The following RUFY2 variants were observed in gnomAD, a reference collection of about 807,000 sequenced individuals.
RUFY2 encodes the protein RUN and FYVE domain-containing protein 2.
A neutral mutation model predicts 94.4 loss-of-function variants in RUFY2; 49 were observed. The observed-to-expected ratio is 0.52, with a 90% CI of 0.41 to 0.66. The LOEUF (loss-of-function observed/expected upper bound fraction) is 0.66. Ranked by LOEUF, RUFY2 falls within the 30% of genes least tolerant of loss-of-function variation. RUFY2 has a pLI of 0.00. For synonymous variants in RUFY2, 255 were observed against 235.7 expected (o/e 1.08, Z -0.75); for missense variants, 541 against 692.8 (o/e 0.78, Z 2.46).
At chr10:68,350,980 G>A (rs1384863813) in intron 16 of RUFY2, among the ~76,000 whole-genome samples, 1 of 151,916 alleles carries the variant, frequency 6.6e-6, no homozygotes, top group African/African-American at 2.4e-5. Flanking sequence ...TAAAGTGCTG[G>A]GACTGCAGGC....
At chr10:68,364,238 T>C in intron 13 of RUFY2, 125 bp from the exon 14 acceptor site, 3 of 875,790 alleles carry the variant, frequency 3.4e-6, no homozygotes, top group Non-Finnish European at 4.9e-6. Context: ...TTTCAGACAT[T>C]TTCTTTCACA....
chr10:68,384,266 G>C, intron 8 of RUFY2, 114 bp from the exon 9 acceptor site: 2 of 1,326,998 alleles, frequency 1.5e-6, no homozygotes, highest in Non-Finnish European at 2.0e-6. Context: ...CTAGCAAAAG[G>C]TCTGTCACAT....
chr10:68,387,422 T>G (rs563472477), intron 7 of RUFY2, among the ~76,000 whole-genome samples: 1 of 152,238 alleles, frequency 6.6e-6, no homozygotes, highest in East Asian at 1.9e-4. Flanking sequence ...TCTAATAAAA[T>G]GTAATATTCT....
intron 1 of RUFY2, chr10:68,405,819 AC>A: frequency 2.0e-6 from 1 of 500,208 alleles, no homozygotes; most frequent in Non-Finnish European, 2.6e-6. Flanking sequence ...AATGTTCCTC[AC>A]CCATCCACAC....
intron 11 of RUFY2, among the ~76,000 whole-genome samples, chr10:68,380,205 G>A (rs904572913): frequency 6.6e-6 from 1 of 150,818 alleles, no homozygotes; most frequent in Non-Finnish European, 1.5e-5. Flanking sequence ...CTCCCTAAGT[G>A]CTAGGATTAC....
At chr10:68,343,272 A>T (rs1589735210), downstream of RUFY2, 1 of 152,172 alleles carries the variant, frequency 6.6e-6, no homozygotes, top group African/African-American at 2.4e-5. Context: ...ACTACATACG[A>T]TGTCTATGAT....
At position 68,343,808 on chromosome 10, in the gene RUFY2, T is replaced by TAAAA. The variant is rs755419558; in HGVS notation, c.*1956_*1959dup. 7.4e-4 allele frequency: 86 copies of TAAAA among 115,590 alleles called. No individual in the cohort carries two copies. Among genetic ancestry groups the TAAAA allele is most frequent in the African/African-American group, 2.4e-3 (62 of 25,372 alleles). 7.2% of individuals were successfully genotyped at this position (115,590 alleles called of 1,614,324 possible). ...GCAAGTTGCTGTCATAAAAGCTGCC[T>TAAAA]AAAAAAAAAAAAAAAAAAAAAAAAA... On this transcript the variant is annotated 3_prime_UTR_variant, in exon 18 of 18. Coordinates refer to ENST00000602465, the MANE Select transcript of RUFY2 (RefSeq NM_001330103.2).
At chr10:68,362,178 T>A (rs1036756468) in intron 15 of RUFY2, among the ~76,000 whole-genome samples, 7 of 151,614 alleles carry the variant, frequency 4.6e-5, no homozygotes, top group African/African-American at 1.7e-4. Context: ...TAAAAAAAAA[T>A]TAGCCAGGTA....
At chr10:68,398,180 A>G (rs1475731727) in intron 3 of RUFY2, among the ~76,000 whole-genome samples, 1 of 151,974 alleles carries the variant, frequency 6.6e-6, no homozygotes, top group African/African-American at 2.4e-5. Flanking sequence ...AATGCCTTCA[A>G]AAACATAGGT....
intron 16 of RUFY2, chr10:68,346,633 C>G (rs1230314781): frequency 1.3e-5 from 2 of 152,068 alleles, no homozygotes; most frequent in African/African-American, 4.8e-5. Context: ...AGTACAACAA[C>G]ATTTTATTTT....
intron 13 of RUFY2, among the ~76,000 whole-genome samples, chr10:68,368,319 A>G (rs1344463418): frequency 2.6e-5 from 4 of 152,098 alleles, no homozygotes; most frequent in Non-Finnish European, 5.9e-5. Flanking sequence ...AGGGAATTCT[A>G]CATATTAATT....
chr10:68,399,168 C>T (rs915017290), intron 3 of RUFY2, among the ~76,000 whole-genome samples: 3 of 151,988 alleles, frequency 2.0e-5, no homozygotes, highest in Admixed American at 6.6e-5. Flanking sequence ...CTCAGCCTCC[C>T]GAGTAGCTGG....
intron 16 of RUFY2, among the ~76,000 whole-genome samples, chr10:68,350,948 TG>T (rs1221956646): frequency 1.3e-5 from 2 of 151,812 alleles, no homozygotes; most frequent in African/African-American, 4.8e-5. Flanking sequence ...CGACCTCAGG[TG>T]ATCTGCCCAC....
At chr10:68,403,230 G>GGATAACA (rs1305019580) in intron 2 of RUFY2, among the ~76,000 whole-genome samples, 1 of 150,966 alleles carries the variant, frequency 6.6e-6, no homozygotes, top group East Asian at 1.9e-4. Context: ...AACAGAAAAG[G>GGATAACA]GATAACAGAA....
At chr10:68,373,860 T>C (rs1397178138) in intron 13 of RUFY2, among the ~76,000 whole-genome samples, 1 of 152,050 alleles carries the variant, frequency 6.6e-6, no homozygotes, top group East Asian at 1.9e-4. Context: ...ATGCCTGTAA[T>C]TTGGGAGGCC....
chr10:68,341,673 T>C, downstream of RUFY2: 1 of 1,611,612 alleles, frequency 6.2e-7, no homozygotes, highest in Non-Finnish European at 8.5e-7. Context: ...ACGGAAGAGA[T>C]GGAATGGGTA....
chr10:68,369,629 C>A (rs1025171422), intron 13 of RUFY2, among the ~76,000 whole-genome samples: 10 of 151,746 alleles, frequency 6.6e-5, no homozygotes, highest in African/African-American at 2.4e-4. Context: ...GTTATAACAG[C>A]CAGTTTGGTA....
intron 16 of RUFY2, among the ~76,000 whole-genome samples, chr10:68,350,528 GATA>G (rs1384469096): frequency 6.6e-6 from 1 of 152,132 alleles, no homozygotes; most frequent in African/African-American, 2.4e-5. Context: ...GAGAAAAGCA[GATA>G]ATATTCTGTT....
intron 6 of RUFY2, 26 bp downstream of exon 6, chr10:68,394,049 T>G (rs998223803): frequency 1.3e-6 from 2 of 1,491,878 alleles, no homozygotes; most frequent in Non-Finnish European, 1.8e-6. Flanking sequence ...AAACCCAATA[T>G]GTGAAATAAC....
Sources: allele counts gnomAD v4.1 joint callset (sites outside exome capture counted in the v4.1 genomes callset), GRCh38; gene constraint gnomAD v4.1.1; transcripts MANE v1.5; gene names NCBI Gene and HGNC (gene_info 2026-07-23, HGNC 2026-07-21).